GDAP1: variants seen among roughly 807,000 people sequenced by gnomAD.
The protein encoded by GDAP1 is ganglioside-induced differentiation-associated protein 1.
GDAP1 carries 34 observed loss-of-function variants against 40.1 expected under a neutral mutation model. The ratio of observed to expected loss-of-function variants is 0.85; its 90% confidence interval spans 0.64 to 1.13. The LOEUF (loss-of-function observed/expected upper bound fraction) is 1.13, where lower values mean the gene tolerates loss of function less well. Among genes scored for constraint, GDAP1 ranks in the 50% most tolerant of loss-of-function variants. GDAP1 has a pLI of 0.00. For missense variants in GDAP1, 374 were observed against 433.7 expected (o/e 0.86, Z 1.22); for synonymous variants, 170 against 157.4 (o/e 1.08, Z -0.60).
intron 2 of GDAP1, among the ~76,000 whole-genome samples, chr8:74,417,682 A>G (rs201247146): frequency 1.4e-5 from 2 of 142,554 alleles, no homozygotes; most frequent in East Asian, 2.1e-4. Context: ...GCTTCAACCC[A>G]GGAGGCGGAG....
chr8:74,445,320 T>G (rs1170634721), intron 2 of GDAP1, among the ~76,000 whole-genome samples: 4 of 152,208 alleles, frequency 2.6e-5, no homozygotes, highest in African/African-American at 9.6e-5. Context: ...CTAAACTGGA[T>G]TGAGATCCAT....
At chr8:74,439,028 GTA>G (rs1202758191) in intron 2 of GDAP1, among the ~76,000 whole-genome samples, 18 of 127,516 alleles carry the variant, frequency 1.4e-4, no homozygotes, top group East Asian at 9.7e-4. Context: ...ATGTGTATGT[GTA>G]TATATATGTG....
At chr8:74,441,570 T>C (rs1251408584) in intron 2 of GDAP1, among the ~76,000 whole-genome samples, 1 of 152,192 alleles carries the variant, frequency 6.6e-6, no homozygotes, top group Non-Finnish European at 1.5e-5. Context: ...GGGCTTACTA[T>C]GTAAAACAAA....
In GDAP1 at chr8:74,360,272, A is replaced by C; in HGVS notation, c.446A>C (p.Asp149Ala). The C allele has an allele frequency of 6.2e-7, 1 of 1,613,916 alleles. No individual in the cohort carries two copies. Among genetic ancestry groups the C allele is most frequent in the Non-Finnish European group, 8.5e-7 (1 of 1,179,912 alleles). The change falls in exon 3 of 6, where the codon GAC becomes GCC. Residue 149 changes from aspartate to alanine, a missense_variant. Transcript: ENST00000220822. ...GCILHPELTV[D>A]SMIPAYATTR... ...ATTTTACATCCTGAGTTAACTGTGG[A>C]CTCCATGATCCCGGCTTATGCAACT...
chr8:74,472,182 A>T (rs780708651), intron 2 of GDAP1, among the ~76,000 whole-genome samples: 1 of 152,138 alleles, frequency 6.6e-6, no homozygotes, highest in Non-Finnish European at 1.5e-5. Context: ...AAGTAAGACT[A>T]TGTTGTATTT....
chr8:74,377,456 T>G (rs1005353726), intron 2 of GDAP1, among the ~76,000 whole-genome samples: 4 of 152,228 alleles, frequency 2.6e-5, no homozygotes, highest in African/African-American at 9.6e-5. Context: ...ACATTGTTAT[T>G]CATCAAATCT....
intron 2 of GDAP1, among the ~76,000 whole-genome samples, chr8:74,412,563 G>GA (rs1490712133): frequency 6.7e-6 from 1 of 150,022 alleles, no homozygotes; most frequent in Non-Finnish European, 1.5e-5. Context: ...TCAACAAAAA[G>GA]AAATAGAAGT....
chr8:74,360,615 A>T (rs1809316468), intron 3 of GDAP1, among the ~76,000 whole-genome samples: 1 of 152,254 alleles, frequency 6.6e-6, no homozygotes, highest in Non-Finnish European at 1.5e-5. Flanking sequence ...GTTCTCATGA[A>T]CAGATGGACT....
rs1026680509 is a variant in GDAP1, at chr8:74,363,039, A to G, written c.680A>G (p.Asn227Ser). Residue 227 changes from asparagine to serine, a missense_variant, in exon 5 of 6, where the codon AAT becomes AGT. By Grantham distance (46) the Asn-to-Ser change is conservative (BLOSUM62 1). Coordinates refer to ENST00000220822, the MANE Select transcript of GDAP1 (RefSeq NM_018972.4). Reference protein sequence around the residue: ...DQVETELQRRNEETPEEGQQP... With the variant: ...DQVETELQRRSEETPEEGQQP... ...GTTGAAACTGAATTGCAAAGAAGAA[A>G]TGAAGAAACCCCAGGTAGGTTCTCA... 2.1e-6 allele frequency: 3 copies of G among 1,463,190 alleles called. No homozygotes were observed. The African/African-American group carries it at 4.2e-5, about 20-fold the overall frequency. The allele number at this position is 1,463,190 out of a possible 1,614,324, so 90.6% of individuals were successfully genotyped here. A position where few individuals can be genotyped will look rare whatever the true frequency, so the allele number is the denominator to read the frequency against.
At chr8:74,457,967 C>A (rs1563474713) in intron 2 of GDAP1, among the ~76,000 whole-genome samples, 1 of 152,056 alleles carries the variant, frequency 6.6e-6, no homozygotes, top group African/African-American at 2.4e-5. Flanking sequence ...ACTTATATGA[C>A]TTATGATAAT....
In GDAP1 at chr8:74,451,170, C is replaced by T. The variant is rs1158963283; in HGVS notation, c.166-37508C>T. Among the ~76,000 whole-genome samples the T allele has an allele frequency of 3.6e-5, 3 of 83,402 alleles. No individual in the cohort carries two copies. In the Admixed American group the frequency reaches 3.7e-4, roughly 10 times the overall value. The allele number at this position is 83,402 out of a possible 152,430, so 54.7% of individuals were successfully genotyped here. A position where few individuals can be genotyped will look rare whatever the true frequency, so the allele number is the denominator to read the frequency against. ...ATTTTGCTTTAAGGAAATTAAGAGG[C>T]TGGGCATGGTAGCTCATGCCTGTAA... On this transcript the variant is annotated intron_variant, in intron 2 of 2. Coordinates refer to the GDAP1 transcript ENST00000523640.
Position 74,430,149 on chromosome 8 carries a change from A to T in GDAP1, c.166-58529A>T, listed in dbSNP as rs1001673083. 1.1e-3 allele frequency among the ~76,000 whole-genome samples: 165 copies of T among 152,230 alleles called. 5 individuals carry two copies. Among genetic ancestry groups the T allele is most frequent in the Non-Finnish European group, 4.4e-4 (30 of 68,042 alleles). On this transcript the variant is annotated intron_variant, in intron 2 of 2. Coordinates refer to the GDAP1 transcript ENST00000523640. ...ATACAACGAATACCATTTCTCAACTATTAGATGGGTAAATGGTTCAAGTGT... is the reference window on the plus strand; with the variant it reads ...ATACAACGAATACCATTTCTCAACTTTTAGATGGGTAAATGGTTCAAGTGT...
chr8:74,426,014 T>C (rs923919502), intron 2 of GDAP1, among the ~76,000 whole-genome samples: 1 of 152,200 alleles, frequency 6.6e-6, no homozygotes, highest in Non-Finnish European at 1.5e-5. Flanking sequence ...ATATGTTAAT[T>C]ATTGAAATCC....
rs571333512 is a variant in GDAP1 at position 74,372,576 on chromosome 8, A to G, written c.165+21255A>G. Among the ~76,000 whole-genome samples the G allele has an allele frequency of 7.2e-5, 11 of 152,298 alleles. No homozygotes were observed. In the South Asian group the frequency reaches 2.1e-3, roughly 29 times the overall value. On this transcript the variant is annotated intron_variant, in intron 2 of 2. Transcript: ENST00000523640. ...GATGCATAAAAGTCTTCTTTTGAGA[A>G]GTGTCTGTTCATATCCTTCGCCCAC...
intron 2 of GDAP1, among the ~76,000 whole-genome samples, chr8:74,400,581 T>C (rs1230264618): frequency 1.3e-5 from 2 of 150,110 alleles, no homozygotes; most frequent in Non-Finnish European, 2.9e-5. Flanking sequence ...ATGTGTGAAT[T>C]TGATCCTGTC....
At chr8:74,359,169 A>C (rs1321438919) in intron 2 of GDAP1, among the ~76,000 whole-genome samples, 1 of 152,204 alleles carries the variant, frequency 6.6e-6, no homozygotes, top group Non-Finnish European at 1.5e-5. Flanking sequence ...AGATGACTTT[A>C]GTTCTAGCTC....
rs549800275 is a variant in GDAP1 at position 74,407,325 on chromosome 8, G to A, written c.165+56004G>A. Among the ~76,000 whole-genome samples, 26 of 149,896 alleles carry A rather than the reference G, an allele frequency of 1.7e-4. No homozygotes were observed. In the South Asian group the frequency reaches 5.4e-3, roughly 31 times the overall value. On this transcript the variant is annotated intron_variant, in intron 2 of 2. Transcript: ENST00000523640. The stretch of plus-strand genomic sequence containing the variant: ...CGAAGTATTGTTTCTGGCTATGTCT[G>A]TGAGAGTGTTGCCAGAGGAAATTAA...
chr8:74,397,809 T>C (rs1586821267), intron 2 of GDAP1, among the ~76,000 whole-genome samples: 1 of 152,250 alleles, frequency 6.6e-6, no homozygotes, highest in Admixed American at 6.5e-5. Context: ...AGCTTTGTTC[T>C]TTTGGCTTAG....
intron 2 of GDAP1, among the ~76,000 whole-genome samples, chr8:74,428,908 C>T (rs1423863073): frequency 1.2e-4 from 16 of 135,150 alleles, no homozygotes; most frequent in African/African-American, 4.4e-4. Context: ...TGTTCCCCTT[C>T]CTGTGTCCAA....
Sources: allele counts gnomAD v4.1 joint callset (sites outside exome capture counted in the v4.1 genomes callset), GRCh38; gene constraint gnomAD v4.1.1; transcripts MANE v1.5; gene names NCBI Gene and HGNC (gene_info 2026-07-23, HGNC 2026-07-21).